The following KCNH7 variants were observed in gnomAD, a reference collection of about 807,000 sequenced individuals.
The protein encoded by KCNH7 is potassium voltage-gated channel subfamily H member 7.
Under a neutral mutation model 120.8 loss-of-function variants are expected in KCNH7, and 49 were observed. That is an observed-to-expected ratio of 0.41 (90% CI 0.32 to 0.51). The LOEUF (loss-of-function observed/expected upper bound fraction) is 0.51, where lower values mean the gene tolerates loss of function less well. Among genes scored for constraint, KCNH7 ranks in the 20% least tolerant of loss-of-function variants. The pLI, the probability that KCNH7 is intolerant of heterozygous loss-of-function variation, is 0.38. For missense variants in KCNH7, 1,097 were observed against 1,446.6 expected, an observed-to-expected ratio of 0.76 and a Z score of 3.92; for synonymous variants, 547 against 516.1, an observed-to-expected ratio of 1.06 and a Z score of -0.81.
intron 2 of KCNH7, among the ~76,000 whole-genome samples, chr2:162,565,634 T>G (rs1693226095): frequency 6.6e-6 from 1 of 152,090 alleles, no homozygotes; most frequent in South Asian, 2.1e-4. Flanking sequence ...AATGAAGACT[T>G]GTTTCCATCG....
chr2:162,462,279 A>G (rs1359077669), intron 6 of KCNH7, among the ~76,000 whole-genome samples: 1 of 152,102 alleles, frequency 6.6e-6, no homozygotes, highest in African/African-American at 2.4e-5. Flanking sequence ...CTACTCGACC[A>G]TGGTGTATTG....
At chr2:162,793,340 A>G (rs538401905) in intron 2 of KCNH7, among the ~76,000 whole-genome samples, 3 of 151,956 alleles carry the variant, frequency 2.0e-5, no homozygotes, top group Admixed American at 6.6e-5. Flanking sequence ...AAAAATTACT[A>G]ATGTGTACTA....
intron 2 of KCNH7, among the ~76,000 whole-genome samples, chr2:162,574,654 T>A (rs1232643463): frequency 6.6e-6 from 1 of 152,056 alleles, no homozygotes; most frequent in Non-Finnish European, 1.5e-5. Flanking sequence ...TCTTTAGTAG[T>A]GTTCATCCCT....
intron 2 of KCNH7, among the ~76,000 whole-genome samples, chr2:162,550,808 T>A (rs928030947): frequency 6.6e-6 from 1 of 151,664 alleles, no homozygotes; most frequent in African/African-American, 2.4e-5. Context: ...ATTTAAAGAA[T>A]AAAAATGTGG....
At position 162,637,672 on chromosome 2, in the gene KCNH7, C is replaced by T. The variant is rs149764624; in HGVS notation, c.308-100592G>A. Among the ~76,000 whole-genome samples, 65 of 151,752 alleles carry T rather than the reference C, an allele frequency of 4.3e-4. 1 individual carries two copies. The highest frequency in any genetic ancestry group is 1.4e-3 in the African/African-American group (60 of 41,398). ...TGATTTAGTCATTCCATGATGTAGA[C>T]GTATATCAAAATATCATGTTGTACA... On this transcript the variant is annotated intron_variant, in intron 2 of 15. Coordinates refer to ENST00000332142, the MANE Select transcript of KCNH7 (RefSeq NM_033272.4).
At chr2:162,470,318 T>C (rs1295148806) in intron 6 of KCNH7, among the ~76,000 whole-genome samples, 1 of 142,166 alleles carries the variant, frequency 7.0e-6, no homozygotes, top group Non-Finnish European at 1.5e-5. Context: ...TCTGCCCTAG[T>C]GCCCTGTCTG....
At chr2:162,449,332 T>A (rs1215321635) in intron 6 of KCNH7, among the ~76,000 whole-genome samples, 1 of 152,070 alleles carries the variant, frequency 6.6e-6, no homozygotes, top group Non-Finnish European at 1.5e-5. Flanking sequence ...TTATTTACAA[T>A]GTTAGATAAA....
At chr2:162,544,789 G>A (rs930937851) in intron 2 of KCNH7, among the ~76,000 whole-genome samples, 9 of 151,988 alleles carry the variant, frequency 5.9e-5, no homozygotes, top group African/African-American at 1.2e-4. Flanking sequence ...TATTTGTCCA[G>A]CCTGTCTCCA....
chr2:162,480,663 A>G (rs893652034), intron 6 of KCNH7, among the ~76,000 whole-genome samples: 3 of 152,182 alleles, frequency 2.0e-5, no homozygotes, highest in African/African-American at 7.2e-5. Context: ...TATGATGGGA[A>G]CTGAGGGGAT....
chr2:162,619,242 T>C (rs779325160), intron 2 of KCNH7, among the ~76,000 whole-genome samples: 36 of 151,874 alleles, frequency 2.4e-4, no homozygotes, highest in South Asian at 6.2e-4. Context: ...TTAAGATGTG[T>C]CCCCCAAAAT....
rs536792263 is a variant in KCNH7 at position 162,603,318 on chromosome 2, T to TA, written c.308-66239dup. ...TGGTTTTTATAATTTATTTTTAATT[T>TA]AAAAAATCTGTTTTCTGTGAGGGTA... is the stretch of plus-strand genomic sequence containing the variant. On this transcript the variant is annotated intron_variant, in intron 2 of 15. Transcript: ENST00000332142. Among the ~76,000 whole-genome samples, 28 of 152,190 alleles carry TA rather than the reference T, an allele frequency of 1.8e-4. No homozygotes were observed. In the South Asian group the frequency reaches 5.6e-3, roughly 30 times the overall value.
chr2:162,417,432 A>C (rs1273009476), intron 9 of KCNH7, among the ~76,000 whole-genome samples: 5 of 152,182 alleles, frequency 3.3e-5, no homozygotes, highest in African/African-American at 1.2e-4. Flanking sequence ...CATACCCTTC[A>C]GCATAAGAAA....
intron 2 of KCNH7, among the ~76,000 whole-genome samples, chr2:162,634,815 A>AT (rs1683899012): frequency 1.3e-5 from 2 of 151,952 alleles, no homozygotes; most frequent in African/African-American, 2.4e-5. Flanking sequence ...ATATAAGACT[A>AT]TTTTTCTTTA....
intron 2 of KCNH7, among the ~76,000 whole-genome samples, 185 bp from the exon 3 acceptor site, chr2:162,537,265 T>C (rs563960463): frequency 2.3e-4 from 35 of 152,092 alleles, no homozygotes; most frequent in Non-Finnish European, 4.7e-4. Flanking sequence ...AATACATATG[T>C]CTTTCCAGAA....
chr2:162,799,708 C>A lies in KCNH7; in HGVS notation c.307+36829G>T, dbSNP rs779247218. Among the ~76,000 whole-genome samples, 44 of 152,092 alleles carry A rather than the reference C, an allele frequency of 2.9e-4. 1 individual carries two copies. Among genetic ancestry groups the A allele is most frequent in the Non-Finnish European group, 5.2e-4 (35 of 67,932 alleles). ...AGAATACCAAGGGCAAAATTCCAAT[C>A]AATTTGCAAATCATAGCAAAACACA... On this transcript the variant is annotated intron_variant, in intron 2 of 15. Transcript: ENST00000332142.
chr2:162,550,209 A>G (rs1017922529), intron 2 of KCNH7, among the ~76,000 whole-genome samples: 1 of 152,092 alleles, frequency 6.6e-6, no homozygotes, highest in African/African-American at 2.4e-5. Flanking sequence ...GGGATATGCA[A>G]CTCCCAAGCC....
chr2:162,804,409 C>T (rs1684459082), intron 2 of KCNH7, among the ~76,000 whole-genome samples: 1 of 151,806 alleles, frequency 6.6e-6, no homozygotes, highest in Non-Finnish European at 1.5e-5. Flanking sequence ...ATACACAAAT[C>T]AACAGCACTG....
intron 6 of KCNH7, among the ~76,000 whole-genome samples, chr2:162,448,176 C>T (rs982051678): frequency 4.6e-5 from 7 of 152,076 alleles, no homozygotes; most frequent in East Asian, 1.9e-4. Context: ...AAAATCCAAA[C>T]GGGAGTAATT....
rs74411942 is a variant in KCNH7, at chr2:162,463,006, T to G, written c.1129-16563A>C. On this transcript the variant is annotated intron_variant, in intron 6 of 15. Transcript: ENST00000332142. ...CTAAGTAGCCTTAGCAAATGTGATA[T>G]CTCCATCATATTAGTAGTTGATGAG... Among the ~76,000 whole-genome samples, 133 of 152,170 alleles carry G rather than the reference T, an allele frequency of 8.7e-4. No individual in the cohort carries two copies. The Middle Eastern group carries it at 0.02, about 23-fold the overall frequency.
Sources: gnomAD v4.1 joint callset for allele counts (sites outside exome capture counted in the v4.1 genomes callset) on GRCh38, gnomAD v4.1.1 for gene constraint, MANE v1.5 for transcripts, NCBI Gene and HGNC (gene_info 2026-07-23, HGNC 2026-07-21) for gene names.